SIK3: variants seen among roughly 807,000 people sequenced by gnomAD.
SIK3 encodes the protein SIK family kinase 3.
In SIK3, 28 loss-of-function variants were observed where a neutral mutation model predicts 144.2. That is an observed-to-expected ratio of 0.19 (90% CI 0.14 to 0.27). The LOEUF is 0.27. Ranked by LOEUF, SIK3 falls within the 10% of genes least tolerant of loss-of-function variation. The pLI is 1.00. For synonymous variants in SIK3, 686 were observed against 676.3 expected (o/e 1.01, Z -0.22); for missense variants, 1,319 against 1,776.0 (o/e 0.74, Z 4.62).
At chr11:116,983,028 T>G (rs1318714909) in intron 1 of SIK3, among the ~76,000 whole-genome samples, 8 of 149,864 alleles carry the variant, frequency 5.3e-5, no homozygotes, top group African/African-American at 2.0e-4. Flanking sequence ...GAAAAAGGAA[T>G]TACTCATCAT....
At chr11:117,002,991 GCAGT>G (rs1385662992) in intron 1 of SIK3, among the ~76,000 whole-genome samples, 1 of 152,204 alleles carries the variant, frequency 6.6e-6, no homozygotes, top group Non-Finnish European at 1.5e-5. Flanking sequence ...GCAATGAAAA[GCAGT>G]CAGTGTTCTG....
intron 1 of SIK3, among the ~76,000 whole-genome samples, chr11:116,960,629 A>G (rs1220700799): frequency 6.6e-6 from 1 of 152,236 alleles, no homozygotes; most frequent in African/African-American, 2.4e-5. Context: ...TAGATTCAAA[A>G]TCTTGGAACT....
At chr11:116,866,175 C>T (rs552553892) in intron 15 of SIK3, among the ~76,000 whole-genome samples, 3 of 152,196 alleles carry the variant, frequency 2.0e-5, no homozygotes, top group African/African-American at 7.2e-5. Context: ...GGAAATGTGA[C>T]GATCTTCATG....
At chr11:116,899,297 T>G (rs972712006) in intron 4 of SIK3, among the ~76,000 whole-genome samples, 5 of 151,998 alleles carry the variant, frequency 3.3e-5, no homozygotes, top group Non-Finnish European at 7.4e-5. Flanking sequence ...TGCAGCGTTA[T>G]TTCTGAGGGC....
At chr11:116,874,846 A>C (rs1307047069) in intron 11 of SIK3, among the ~76,000 whole-genome samples, 1 of 152,230 alleles carries the variant, frequency 6.6e-6, no homozygotes, top group Non-Finnish European at 1.5e-5. Context: ...AGAGTCTTCA[A>C]CCGTGGAACA....
At chr11:116,961,871 T>C (rs987326363) in intron 1 of SIK3, among the ~76,000 whole-genome samples, 2 of 152,216 alleles carry the variant, frequency 1.3e-5, no homozygotes, top group African/African-American at 4.8e-5. Context: ...TCTGTTTCAA[T>C]TGGCATGTGG....
chr11:116,863,276 G>T (rs1943450401), intron 16 of SIK3, among the ~76,000 whole-genome samples: 1 of 152,178 alleles, frequency 6.6e-6, no homozygotes, highest in East Asian at 1.9e-4. Context: ...TTTTAAGACA[G>T]AGTCTCGTTC....
At chr11:117,063,688 C>T (rs1308679969) in intron 1 of SIK3, among the ~76,000 whole-genome samples, 1 of 151,530 alleles carries the variant, frequency 6.6e-6, no homozygotes, top group African/African-American at 2.4e-5. Flanking sequence ...CGGGCCTCAG[C>T]CTCCCAAGTA....
chr11:116,934,308 TA>T (rs1407059896), intron 3 of SIK3, among the ~76,000 whole-genome samples: 1 of 152,244 alleles, frequency 6.6e-6, no homozygotes, highest in Non-Finnish European at 1.5e-5. Flanking sequence ...AATACATTCC[TA>T]TCCCTGTTTA....
At chr11:116,913,936 C>T (rs962624065) in intron 4 of SIK3, among the ~76,000 whole-genome samples, 1 of 151,740 alleles carries the variant, frequency 6.6e-6, no homozygotes, top group African/African-American at 2.4e-5. Flanking sequence ...AAAAACAAAA[C>T]AAAAACCTTT....
intron 17 of SIK3, 68 bp from the exon 18 acceptor site, chr11:116,861,994 G>C (rs2134428861): frequency 7.6e-7 from 1 of 1,324,016 alleles, no homozygotes; most frequent in African/African-American, 1.5e-5. Context: ...CTATTCTCAG[G>C]AAGGGAAGAA....
intron 1 of SIK3, among the ~76,000 whole-genome samples, chr11:117,092,698 T>C (rs530522536): frequency 6.6e-6 from 1 of 152,330 alleles, no homozygotes; most frequent in South Asian, 2.1e-4. Context: ...AAAGGTTCCA[T>C]CTCTATGCAG....
chr11:116,950,157 C>T (rs1283606679), intron 3 of SIK3: 1 of 470,936 alleles, frequency 2.1e-6, no homozygotes, highest in East Asian at 7.0e-5. Flanking sequence ...CAAGTGGGGG[C>T]TGAGTAGAAG....
At chr11:116,847,696 C>T (rs975057790) in intron 22 of SIK3, 88 bp from the exon 23 acceptor site, 9 of 1,576,374 alleles carry the variant, frequency 5.7e-6, no homozygotes, top group Non-Finnish European at 6.9e-6. Flanking sequence ...CTGAAGGAGC[C>T]CAGGCAAAAG....
At chr11:116,966,804 A>G (rs1419178004) in intron 1 of SIK3, among the ~76,000 whole-genome samples, 1 of 152,048 alleles carries the variant, frequency 6.6e-6, no homozygotes, top group Non-Finnish European at 1.5e-5. Context: ...GTTTGAGATC[A>G]GTCTGGCCAA....
chr11:117,071,486 C>T (rs1002696654), intron 1 of SIK3, among the ~76,000 whole-genome samples: 4 of 151,992 alleles, frequency 2.6e-5, no homozygotes, highest in Non-Finnish European at 5.9e-5. Context: ...CTCTCTCTTG[C>T]TTACCAACGA....
chr11:117,012,998 C>T (rs1405882934), intron 1 of SIK3, among the ~76,000 whole-genome samples: 1 of 151,742 alleles, frequency 6.6e-6, no homozygotes, highest in Non-Finnish European at 1.5e-5. Flanking sequence ...ACTACAAGCG[C>T]CCGCCATTTG....
At chr11:117,005,474 C>T (rs1180252518) in intron 1 of SIK3, among the ~76,000 whole-genome samples, 1 of 151,386 alleles carries the variant, frequency 6.6e-6, no homozygotes, top group African/African-American at 2.4e-5. Flanking sequence ...AGAACCTAAA[C>T]GTTTCTTAGA....
At chr11:116,976,456 T>C (rs1054238611) in intron 1 of SIK3, among the ~76,000 whole-genome samples, 1 of 152,258 alleles carries the variant, frequency 6.6e-6, no homozygotes, top group African/African-American at 2.4e-5. Flanking sequence ...GATATACACT[T>C]ATTCCAGCAC....
Sources: allele counts gnomAD v4.1 joint callset (sites outside exome capture counted in the v4.1 genomes callset), GRCh38; gene constraint gnomAD v4.1.1; transcripts MANE v1.5; gene names NCBI Gene and HGNC (gene_info 2026-07-23, HGNC 2026-07-21).